Variants in SCFD2 observed in about 807,000 individuals in gnomAD.
The protein encoded by SCFD2 is sec1 family domain-containing protein 2.
SCFD2 carries 54 observed loss-of-function variants against 58.9 expected under a neutral mutation model. That is an observed-to-expected ratio of 0.92 (90% CI 0.74 to 1.15). The LOEUF is 1.15. Ranked by LOEUF, SCFD2 falls within the 50% of genes most tolerant of loss-of-function variation. The pLI, the probability that SCFD2 is intolerant of heterozygous loss-of-function variation, is 0.00. For synonymous variants in SCFD2, 321 were observed against 335.9 expected (o/e 0.96, Z 0.49); for missense variants, 805 against 836.6 (o/e 0.96, Z 0.47).
intron 2 of SCFD2, among the ~76,000 whole-genome samples, chr4:53,333,163 G>C (rs1295340134): frequency 1.5e-5 from 2 of 133,026 alleles, no homozygotes; most frequent in Non-Finnish European, 3.2e-5. Context: ...CATGAAAATG[G>C]CCATACTGCC....
chr4:53,233,185 T>C lies in SCFD2; in HGVS notation c.1311+40641A>G, dbSNP rs1577872472. Among the ~76,000 whole-genome samples, 4 of 152,262 alleles carry C rather than the reference T, an allele frequency of 2.6e-5. No homozygotes were observed. In the South Asian group the frequency reaches 8.3e-4, roughly 32 times the overall value. On this transcript the variant is annotated intron_variant, in intron 4 of 8. Coordinates refer to ENST00000401642, the MANE Select transcript of SCFD2 (RefSeq NM_152540.4). ...GAAAAAAAAATCAATTAGTGTTATG[T>C]CCTTTTATTCTTAGGAACCTAGGTG...
At chr4:52,954,440 C>A (rs1171369960) in intron 5 of SCFD2, among the ~76,000 whole-genome samples, 1 of 152,170 alleles carries the variant, frequency 6.6e-6, no homozygotes, top group African/African-American at 2.4e-5. Context: ...GGAAGTCGGG[C>A]GGGTGGCTAC....
chr4:53,248,249 C>T (rs1332373986), intron 4 of SCFD2, among the ~76,000 whole-genome samples: 1 of 152,204 alleles, frequency 6.6e-6, no homozygotes, highest in Admixed American at 6.5e-5. Context: ...GAAATTATAT[C>T]CCGCACCTGG....
chr4:53,143,292 T>C (rs1045022126), intron 5 of SCFD2, among the ~76,000 whole-genome samples: 49 of 152,220 alleles, frequency 3.2e-4, no homozygotes, highest in Admixed American at 2.6e-4. Context: ...GTTATCTGTT[T>C]CCAAAATTAT....
chr4:53,333,860 G>A (rs1037651331), intron 2 of SCFD2, among the ~76,000 whole-genome samples: 2 of 137,700 alleles, frequency 1.5e-5, no homozygotes, highest in Admixed American at 7.5e-5. Context: ...ATCTGACAAA[G>A]GGCTAATATC....
At chr4:52,965,404 G>A (rs1033010421) in intron 5 of SCFD2, among the ~76,000 whole-genome samples, 3 of 152,106 alleles carry the variant, frequency 2.0e-5, no homozygotes, top group Non-Finnish European at 2.9e-5. Context: ...TTCCCCCAGC[G>A]GCTGAGCACA....
intron 4 of SCFD2, among the ~76,000 whole-genome samples, chr4:53,236,094 G>C (rs925560544): frequency 1.3e-5 from 2 of 152,192 alleles, no homozygotes; most frequent in Admixed American, 6.5e-5. Context: ...ATTAACATTT[G>C]AGTCAGTGGG....
chr4:53,311,102 T>C (rs2149108857), intron 3 of SCFD2, among the ~76,000 whole-genome samples: 1 of 152,324 alleles, frequency 6.6e-6, no homozygotes, highest in African/African-American at 2.4e-5. Context: ...TTACTGTTCA[T>C]AGTTATGAAT....
intron 2 of SCFD2, among the ~76,000 whole-genome samples, chr4:53,319,575 C>T (rs1449927672): frequency 1.3e-5 from 2 of 151,536 alleles, no homozygotes; most frequent in Admixed American, 6.6e-5. Flanking sequence ...CTCTGTCACC[C>T]AGGCTCAAGT....
chr4:53,267,172 C>G (rs1252267074), intron 4 of SCFD2, among the ~76,000 whole-genome samples: 6 of 151,920 alleles, frequency 3.9e-5, no homozygotes, highest in Admixed American at 3.9e-4. Flanking sequence ...GTGATTGAGG[C>G]CTGGTAGAAA....
intron 7 of SCFD2, among the ~76,000 whole-genome samples, chr4:52,901,227 G>C (rs1429504067): frequency 6.6e-6 from 1 of 152,188 alleles, no homozygotes. Flanking sequence ...CCCATCTTCT[G>C]CATCACTCAC....
At chr4:52,899,940 A>T (rs564855642) in intron 7 of SCFD2, among the ~76,000 whole-genome samples, 1 of 151,940 alleles carries the variant, frequency 6.6e-6, no homozygotes. Context: ...AGTTGATCGC[A>T]TCGGTTACTT....
At chr4:53,181,113 G>C (rs1358447836) in intron 4 of SCFD2, among the ~76,000 whole-genome samples, 1 of 151,860 alleles carries the variant, frequency 6.6e-6, no homozygotes, top group Admixed American at 6.6e-5. Flanking sequence ...GAAATCAATA[G>C]AAAATCAATA....
Position 53,124,734 on chromosome 4 carries a change from G to A in SCFD2, c.1561+20599C>T, listed in dbSNP as rs553721115. On this transcript the variant is annotated intron_variant, in intron 5 of 8. Transcript: ENST00000401642. The stretch of plus-strand genomic sequence containing the variant: ...CAGCTATAAATCTAGCCTCCATTGA[G>A]TTTAAACCAAATCAGAAGAGAAAAG... 4.4e-4 allele frequency among the ~76,000 whole-genome samples: 67 copies of A among 152,268 alleles called. 2 individuals are homozygous for A. In the South Asian group the frequency reaches 0.011, roughly 25 times the overall value.
chr4:53,089,653 C>A (rs1724415385), intron 5 of SCFD2, among the ~76,000 whole-genome samples: 1 of 151,968 alleles, frequency 6.6e-6, no homozygotes, highest in Non-Finnish European at 1.5e-5. Context: ...ATGAGGCATT[C>A]ATAACAAAAG....
At chr4:52,937,887 T>G (rs1720183952) in intron 5 of SCFD2, among the ~76,000 whole-genome samples, 1 of 152,194 alleles carries the variant, frequency 6.6e-6, no homozygotes, top group African/African-American at 2.4e-5. Context: ...TTAAGGTAGC[T>G]TTAAGAAAAG....
chr4:52,883,259 T>C (rs1345838231), intron 8 of SCFD2, among the ~76,000 whole-genome samples: 1 of 152,150 alleles, frequency 6.6e-6, no homozygotes, highest in Admixed American at 6.5e-5. Flanking sequence ...TGTGTGTCTG[T>C]CAAGGTCTAA....
intron 5 of SCFD2, among the ~76,000 whole-genome samples, chr4:53,050,525 T>C (rs1350213973): frequency 6.6e-6 from 1 of 152,134 alleles, no homozygotes; most frequent in African/African-American, 2.4e-5. Context: ...GCCATCCCCT[T>C]GAAGCTGGAG....
At chr4:53,190,464 TTCCTTTTCAGGTGTTTG>T (rs1727860356) in intron 4 of SCFD2, among the ~76,000 whole-genome samples, 1 of 151,972 alleles carries the variant, frequency 6.6e-6, no homozygotes, top group African/African-American at 2.4e-5. Flanking sequence ...CAAGTGGCTA[TTCCTTTTCAGGTGTTTG>T]TCCAAATGTC....
Sources: gnomAD v4.1 joint callset for allele counts (sites outside exome capture counted in the v4.1 genomes callset) on GRCh38, gnomAD v4.1.1 for gene constraint, MANE v1.5 for transcripts, NCBI Gene and HGNC (gene_info 2026-07-23, HGNC 2026-07-21) for gene names.